Variants in DYNC2I1 observed in about 807,000 individuals in gnomAD.
The protein encoded by DYNC2I1 is cytoplasmic dynein 2 intermediate chain 1.
In DYNC2I1, 89 loss-of-function variants were observed where a neutral mutation model predicts 133.4. The observed-to-expected ratio is 0.67, with a 90% confidence interval of 0.56 to 0.80. The LOEUF (loss-of-function observed/expected upper bound fraction) is 0.80, where lower values mean the gene tolerates loss of function less well. Among genes scored for constraint, DYNC2I1 ranks in the 30% least tolerant of loss-of-function variants. The probability of loss-of-function intolerance (pLI) is 0.00; values close to 1 mark genes in which losing one functional copy is unlikely to be tolerated. For missense variants in DYNC2I1, 1,291 were observed against 1,314.5 expected, an observed-to-expected ratio of 0.98 and a Z score of 0.28; for synonymous variants, 504 against 484.3, an observed-to-expected ratio of 1.04 and a Z score of -0.54.
At chr7:158,853,138 T>C (rs1841092927), upstream of DYNC2I1, among the ~76,000 whole-genome samples, 1 of 152,176 alleles carries the variant, frequency 6.6e-6, no homozygotes, top group South Asian at 2.1e-4. Context: ...GGCAATGCTA[T>C]GGAACAAAAC....
At chr7:158,875,091 CT>C (rs35170585) in intron 3 of DYNC2I1, among the ~76,000 whole-genome samples, 39,116 of 110,110 alleles carry the variant, frequency 0.36, 7,199 homozygotes, top group Non-Finnish European at 0.46. Context: ...TGGTAAATGC[CT>C]TTTTTTTTTT....
chr7:158,938,719 G>A lies in DYNC2I1; in HGVS notation c.2779-3206G>A, dbSNP rs758113266. Among the ~76,000 whole-genome samples, 139 of 152,118 alleles carry A rather than the reference G, an allele frequency of 9.1e-4. 1 individual carries two copies. Among genetic ancestry groups the A allele is most frequent in the Middle Eastern group, 6.8e-3 (2 of 294 alleles). On this transcript the variant is annotated intron_variant, in intron 23 of 24. Coordinates refer to ENST00000407559, the MANE Select transcript of DYNC2I1 (RefSeq NM_018051.5). ...TGCAGTGAGCTGAGATTGCACCACC[G>A]CACTCCAGTCTGGGTGACAGAGTGA... is the stretch of plus-strand genomic sequence containing the variant.
chr7:158,856,809 G>C, intron 1 of DYNC2I1, 59 bp downstream of exon 1: 1 of 1,229,094 alleles, frequency 8.1e-7, no homozygotes, highest in East Asian at 3.2e-5. Flanking sequence ...TCCTTCGGGC[G>C]CCGCTAGCAG....
At chr7:158,907,580 T>G (rs1162532343) in intron 11 of DYNC2I1, among the ~76,000 whole-genome samples, 1 of 151,684 alleles carries the variant, frequency 6.6e-6, no homozygotes, top group Non-Finnish European at 1.5e-5. Flanking sequence ...CCTTTCCCTT[T>G]CCGTTCCCTT....
chr7:158,932,178 C>T (rs1850283795), intron 21 of DYNC2I1, among the ~76,000 whole-genome samples: 1 of 152,204 alleles, frequency 6.6e-6, no homozygotes. Context: ...TCTGTCTGCA[C>T]CGCCCCTGCA....
intron 1 of DYNC2I1, among the ~76,000 whole-genome samples, chr7:158,861,997 G>A (rs2129476042): frequency 6.6e-6 from 1 of 152,248 alleles, no homozygotes; most frequent in African/African-American, 2.4e-5. Flanking sequence ...AAAAAAATGA[G>A]GACAGCAAAG....
intron 13 of DYNC2I1, 28 bp downstream of exon 13, chr7:158,913,124 A>G: frequency 6.7e-7 from 1 of 1,487,250 alleles, no homozygotes; most frequent in Non-Finnish European, 9.3e-7. Flanking sequence ...AGTGTTGACC[A>G]TTGACTCTCT....
At chr7:158,842,026 TTTTG>T in the DYNC2I1 span, among the ~76,000 whole-genome samples, 45 of 152,054 alleles carry the variant, frequency 3.0e-4, no homozygotes, top group Middle Eastern at 6.8e-3. Flanking sequence ...TGGCAAGGTA[TTTTG>T]TTTGTTTGTT....
At chr7:158,957,700 T>C (rs1232310995), downstream of DYNC2I1, among the ~76,000 whole-genome samples, 2 of 152,150 alleles carry the variant, frequency 1.3e-5, no homozygotes, top group Non-Finnish European at 2.9e-5. Context: ...CGCCGAGGCC[T>C]GGAGTCCCTG....
chr7:158,864,525 T>C (rs1842229831), intron 1 of DYNC2I1, among the ~76,000 whole-genome samples: 1 of 152,156 alleles, frequency 6.6e-6, no homozygotes, highest in Admixed American at 6.5e-5. Context: ...TATTTTTTAA[T>C]AGAGATGGGG....
At chr7:158,931,867 G>A (rs1850251274) in intron 21 of DYNC2I1, among the ~76,000 whole-genome samples, 1 of 152,214 alleles carries the variant, frequency 6.6e-6, no homozygotes, top group South Asian at 2.1e-4. Flanking sequence ...CGTGATTGCA[G>A]GGGGCGCTCC....
At chr7:158,870,489 G>A (rs889536375) in intron 2 of DYNC2I1, among the ~76,000 whole-genome samples, 1 of 151,892 alleles carries the variant, frequency 6.6e-6, no homozygotes, top group Non-Finnish European at 1.5e-5. Context: ...GAGTAGCTAG[G>A]ACTACAGGCA....
chr7:158,848,943 G>A, the DYNC2I1 span, among the ~76,000 whole-genome samples: 1 of 151,980 alleles, frequency 6.6e-6, no homozygotes, highest in Non-Finnish European at 1.5e-5. Flanking sequence ...AAATTGGGTG[G>A]ACCAAAGGGA....
Position 158,869,146 on chromosome 7 carries a change from C to T in DYNC2I1, c.16-709C>T, listed in dbSNP as rs538285096. On this transcript the variant is annotated intron_variant, in intron 1 of 24. Transcript: ENST00000407559. The stretch of plus-strand genomic sequence containing the variant: ...GGGGCTGCGGGAGCCGTGCCTCTCA[C>T]GCACCTGCCCTGGTGCTGGCTGTGA... Among the ~76,000 whole-genome samples the T allele has an allele frequency of 7.2e-5, 11 of 152,208 alleles. No individual in the cohort carries two copies. The East Asian group carries it at 1.5e-3, about 21-fold the overall frequency.
chr7:158,935,611 T>C (rs1850673483), intron 23 of DYNC2I1, among the ~76,000 whole-genome samples: 1 of 152,316 alleles, frequency 6.6e-6, no homozygotes, highest in Admixed American at 6.5e-5. Context: ...GAGATGGTAT[T>C]TCATGTATCT....
chr7:158,910,958 C>T (rs1003606253), intron 11 of DYNC2I1, among the ~76,000 whole-genome samples: 1 of 139,116 alleles, frequency 7.2e-6, no homozygotes, highest in Admixed American at 7.5e-5. Context: ...GGGCCAAGGG[C>T]GATTGGCTGT....
intron 8 of DYNC2I1, among the ~76,000 whole-genome samples, chr7:158,898,916 C>T (rs1168767855): frequency 6.6e-6 from 1 of 151,478 alleles, no homozygotes; most frequent in African/African-American, 2.4e-5. Context: ...CATTTACAAC[C>T]AATACAAGTC....
intron 7 of DYNC2I1, among the ~76,000 whole-genome samples, chr7:158,889,275 A>G (rs1844947528): frequency 6.6e-6 from 1 of 151,658 alleles, no homozygotes; most frequent in Admixed American, 6.6e-5. Flanking sequence ...GGAGACAGGG[A>G]TTCACCATGT....
chr7:158,948,888 A>G (rs1169333744), downstream of DYNC2I1, among the ~76,000 whole-genome samples: 7 of 152,200 alleles, frequency 4.6e-5, no homozygotes, highest in Non-Finnish European at 8.8e-5. Flanking sequence ...CAGATGGTTA[A>G]CATCATCAGC....
Sources: gnomAD v4.1 joint callset for allele counts (sites outside exome capture counted in the v4.1 genomes callset) on GRCh38, gnomAD v4.1.1 for gene constraint, MANE v1.5 for transcripts, NCBI Gene and HGNC (gene_info 2026-07-23, HGNC 2026-07-21) for gene names.